SBF2: variants seen among roughly 807,000 people sequenced by gnomAD.
SBF2 encodes the protein myotubularin-related protein 13.
Under a neutral mutation model 225.2 loss-of-function variants are expected in SBF2, and 112 were observed. That is an observed-to-expected ratio of 0.50 (90% confidence interval 0.43 to 0.58). The LOEUF (loss-of-function observed/expected upper bound fraction) is 0.58. Among genes scored for constraint, SBF2 ranks in the 20% least tolerant of loss-of-function variants. SBF2 has a pLI of 0.00. For missense variants in SBF2, 1,996 were observed against 2,206.2 expected (o/e 0.90, Z 1.91); for synonymous variants, 763 against 773.3 (o/e 0.99, Z 0.22).
At chr11:9,916,175 T>C (rs1025424094) in intron 16 of SBF2, among the ~76,000 whole-genome samples, 11 of 152,214 alleles carry the variant, frequency 7.2e-5, no homozygotes, top group Non-Finnish European at 1.0e-4. Context: ...CAAATACTTA[T>C]ATAATCAACT....
At chr11:10,051,601 T>A (rs1394752388) in intron 2 of SBF2, among the ~76,000 whole-genome samples, 4 of 152,082 alleles carry the variant, frequency 2.6e-5, no homozygotes, top group African/African-American at 7.2e-5. Context: ...ACGTATGAGA[T>A]CCTCTATTTC....
At position 9,781,599 on chromosome 11, in the gene SBF2, C is replaced by G; in HGVS notation, c.5359G>C (p.Gly1787Arg). Residue 1787 changes from glycine to arginine, a missense_variant, in exon 39 of 40, where the codon GGC (glycine) becomes CGC (arginine). By Grantham distance (125) the Gly-to-Arg change is moderately radical. Coordinates refer to ENST00000256190, the MANE Select transcript of SBF2 (RefSeq NM_030962.4). ...TCTACTTCAGCCAGATCAATGTGGC[C>G]TTTACAGCTTGTGTCCTCACCTGAG... The part of the protein sequence containing the change: ...YDSGEDTSCK[G>R]HIDLAEVEMV... 3 of 1,614,220 alleles carry G rather than the reference C, an allele frequency of 1.9e-6. No individual in the cohort carries two copies. The highest frequency in any genetic ancestry group is 2.5e-6 in the Non-Finnish European group (3 of 1,180,034).
chr11:9,783,570 T>G (rs554515225), intron 38 of SBF2, among the ~76,000 whole-genome samples: 9 of 152,316 alleles, frequency 5.9e-5, no homozygotes, highest in African/African-American at 1.9e-4. Context: ...TAATGCAGGG[T>G]GCAGAGTTGC....
intron 2 of SBF2, among the ~76,000 whole-genome samples, chr11:10,173,794 C>T (rs1177333592): frequency 6.7e-6 from 1 of 149,634 alleles, no homozygotes; most frequent in Non-Finnish European, 1.5e-5. Flanking sequence ...GTGGTTCTCC[C>T]AGCACGCAGC....
chr11:10,296,761 G>A (rs528987079), upstream of SBF2, among the ~76,000 whole-genome samples: 1 of 152,214 alleles, frequency 6.6e-6, no homozygotes, highest in South Asian at 2.1e-4. Flanking sequence ...GGAATTACTG[G>A]ATTAAGTAGT....
chr11:9,918,088 G>C (rs775077198), intron 16 of SBF2, among the ~76,000 whole-genome samples: 13 of 148,694 alleles, frequency 8.7e-5, no homozygotes, highest in Non-Finnish European at 1.6e-4. Flanking sequence ...GCGCATCTAG[G>C]GACCACGAAT....
At chr11:9,943,924 A>G (rs1437889849) in intron 16 of SBF2, among the ~76,000 whole-genome samples, 1 of 152,212 alleles carries the variant, frequency 6.6e-6, no homozygotes, top group Non-Finnish European at 1.5e-5. Context: ...GGAGACATCT[A>G]TTAGGAATGG....
chr11:10,186,314 G>C (rs1956932903), intron 2 of SBF2, among the ~76,000 whole-genome samples: 1 of 152,106 alleles, frequency 6.6e-6, no homozygotes, highest in Non-Finnish European at 1.5e-5. Context: ...GAGGTGAGGA[G>C]ATTACTTGAG....
chr11:10,135,041 T>C (rs766450281), intron 2 of SBF2, among the ~76,000 whole-genome samples: 13 of 152,230 alleles, frequency 8.5e-5, no homozygotes, highest in Non-Finnish European at 1.3e-4. Context: ...TCCAGGCATT[T>C]CCACACATCT....
intron 2 of SBF2, among the ~76,000 whole-genome samples, chr11:10,166,701 T>G (rs1955965344): frequency 6.6e-6 from 1 of 151,912 alleles, no homozygotes. Context: ...GGTGGCTCAT[T>G]CCTGTAATCC....
At chr11:10,109,139 T>C (rs1024780770) in intron 2 of SBF2, among the ~76,000 whole-genome samples, 9 of 152,144 alleles carry the variant, frequency 5.9e-5, no homozygotes, top group Non-Finnish European at 1.0e-4. Context: ...TAAATACATA[T>C]GCAAAAGGCA....
At chr11:9,890,514 T>C (rs1018768622) in intron 17 of SBF2, among the ~76,000 whole-genome samples, 3 of 152,172 alleles carry the variant, frequency 2.0e-5, no homozygotes, top group Non-Finnish European at 4.4e-5. Context: ...ACTCAATCAA[T>C]AAAACTTCCT....
intron 2 of SBF2, among the ~76,000 whole-genome samples, chr11:10,055,554 C>T (rs1288774172): frequency 2.0e-5 from 3 of 150,244 alleles, no homozygotes; most frequent in African/African-American, 7.4e-5. Context: ...CACACACACA[C>T]ACACACACAC....
chr11:10,221,453 A>G (rs1037405249), intron 1 of SBF2, among the ~76,000 whole-genome samples: 6 of 152,138 alleles, frequency 3.9e-5, no homozygotes, highest in Admixed American at 3.9e-4. Context: ...GGCTTTTCTC[A>G]CAAGTCAAGC....
intron 26 of SBF2, chr11:9,838,898 A>G (rs1855904261): frequency 6.4e-6 from 1 of 155,620 alleles, no homozygotes; most frequent in African/African-American, 2.4e-5. Context: ...AACTGAAAAA[A>G]GAAAATGCCT....
chr11:9,920,988 C>G lies in SBF2; in HGVS notation c.1861-24977G>C, dbSNP rs187722253. Among the ~76,000 whole-genome samples the G allele has an allele frequency of 3.9e-5, 6 of 151,926 alleles. No individual in the cohort carries two copies. In the South Asian group the frequency reaches 8.3e-4, roughly 21 times the overall value. On this transcript the variant is annotated intron_variant, in intron 16 of 39. Transcript: ENST00000256190. ...TTTTCCAGTTTACTTCTCTTCCCTT[C>G]TCAGCCTACTGCCTATAGTAATAGT...
intron 9 of SBF2, 51 bp downstream of exon 9, chr11:9,998,215 A>G (rs1427294298): frequency 9.4e-7 from 1 of 1,064,826 alleles, no homozygotes; most frequent in Non-Finnish European, 1.5e-6. Context: ...TAGCTATCTT[A>G]GCTTCAGATT....
chr11:9,822,321 C>T (rs998562495), intron 28 of SBF2, among the ~76,000 whole-genome samples: 9 of 143,674 alleles, frequency 6.3e-5, no homozygotes, highest in Admixed American at 2.9e-4. Context: ...AGTGCAGTGG[C>T]GCGATCCTGG....
chr11:9,984,017 G>A (rs550986209), intron 13 of SBF2, among the ~76,000 whole-genome samples: 1 of 152,098 alleles, frequency 6.6e-6, no homozygotes, highest in Non-Finnish European at 1.5e-5. Flanking sequence ...ACAAAACAAG[G>A]CTCTTCAACA....
Sources: gnomAD v4.1 joint callset for allele counts (sites outside exome capture counted in the v4.1 genomes callset) on GRCh38, gnomAD v4.1.1 for gene constraint, MANE v1.5 for transcripts, NCBI Gene and HGNC (gene_info 2026-07-23, HGNC 2026-07-21) for gene names.